Variants in FAM53A observed in about 807,000 individuals in gnomAD.
FAM53A encodes family with sequence similarity 53 member A.
FAM53A carries 28 observed loss-of-function variants against 26.6 expected under a neutral mutation model. The observed-to-expected ratio is 1.05, with a 90% CI of 0.78 to 1.45. The LOEUF (loss-of-function observed/expected upper bound fraction) is 1.45. Ranked by LOEUF, FAM53A falls within the 40% of genes most tolerant of loss-of-function variation. The pLI is 0.00. For missense variants in FAM53A, 650 were observed against 575.8 expected (o/e 1.13, Z -1.32); for synonymous variants, 290 against 253.1 (o/e 1.15, Z -1.38).
chr4:1,652,148 C>T (rs1271294580), intron 4 of FAM53A, among the ~76,000 whole-genome samples: 2 of 128,256 alleles, frequency 1.6e-5, no homozygotes, highest in Admixed American at 7.8e-5. Context: ...CCACACACAC[C>T]ACACGTCACA....
At chr4:1,682,875 T>C (rs984811260) in intron 1 of FAM53A, among the ~76,000 whole-genome samples, 6 of 152,200 alleles carry the variant, frequency 3.9e-5, no homozygotes, top group Non-Finnish European at 7.3e-5. Context: ...ACGTGCAATC[T>C]AAGAAACATA....
At chr4:1,637,653 G>A (rs1715907121), downstream of FAM53A, among the ~76,000 whole-genome samples, 1 of 151,954 alleles carries the variant, frequency 6.6e-6, no homozygotes, top group Non-Finnish European at 1.5e-5. Flanking sequence ...GCAGGGGTGG[G>A]CAGGGGTGGG....
At chr4:1,652,142 ACACAC>A (rs1440723194) in intron 4 of FAM53A, among the ~76,000 whole-genome samples, 5 of 141,696 alleles carry the variant, frequency 3.5e-5, no homozygotes, top group Non-Finnish European at 6.1e-5. Context: ...CATACACCAC[ACACAC>A]CACACGTCAC....
intron 4 of FAM53A, among the ~76,000 whole-genome samples, chr4:1,650,153 C>T (rs530073037): frequency 4.9e-5 from 6 of 121,296 alleles, no homozygotes; most frequent in Admixed American, 8.6e-5. Context: ...GTGGCACAGG[C>T]GTGGTGTTTG....
chr4:1,582,754 G>T, the FAM53A span, among the ~76,000 whole-genome samples: 1 of 152,180 alleles, frequency 6.6e-6, no homozygotes, highest in African/African-American at 2.4e-5. Flanking sequence ...ACTAGAGAGG[G>T]TGAGACAGGA....
chr4:1,613,570 C>T (rs1714704033), downstream of FAM53A, among the ~76,000 whole-genome samples: 1 of 135,896 alleles, frequency 7.4e-6, no homozygotes, highest in Admixed American at 7.2e-5. Context: ...GAAGAAAGTC[C>T]CGGGCAGGCC....
chr4:1,632,213 G>C (rs1715638422), intron 1 of FAM53A, among the ~76,000 whole-genome samples: 1 of 150,972 alleles, frequency 6.6e-6, no homozygotes, highest in South Asian at 2.1e-4. Context: ...TCTCTAAAGA[G>C]GTAGTTAGGG....
chr4:1,595,434 A>C, the FAM53A span, among the ~76,000 whole-genome samples: 1 of 152,180 alleles, frequency 6.6e-6, no homozygotes, highest in Non-Finnish European at 1.5e-5. Context: ...GGTCCACCAC[A>C]GGCCGGGGAC....
intron 1 of FAM53A, among the ~76,000 whole-genome samples, chr4:1,625,505 G>A (rs1380358906): frequency 2.1e-4 from 15 of 72,534 alleles, no homozygotes; most frequent in Non-Finnish European, 3.4e-4. Flanking sequence ...AAGGCCCCAC[G>A]TCCCGGCCCA....
At chr4:1,662,435 C>T (rs1040194927) in intron 2 of FAM53A, among the ~76,000 whole-genome samples, 1 of 142,432 alleles carries the variant, frequency 7.0e-6, no homozygotes, top group Non-Finnish European at 1.5e-5. Context: ...GCCAAGATCG[C>T]ACCACTGCAC....
intron 1 of FAM53A, among the ~76,000 whole-genome samples, chr4:1,669,510 G>C (rs770621134): frequency 1.3e-5 from 2 of 152,200 alleles, no homozygotes; most frequent in Non-Finnish European, 2.9e-5. Flanking sequence ...CAGAGGCTGC[G>C]GGGCGGCCCC....
intron 1 of FAM53A, among the ~76,000 whole-genome samples, chr4:1,677,574 AGTC>A (rs1715129837): frequency 6.6e-6 from 1 of 152,114 alleles, no homozygotes; most frequent in South Asian, 2.1e-4. Flanking sequence ...CAGCTCCCTT[AGTC>A]TTCTCTGCTT....
chr4:1,634,162 A>G (rs577722240), intron 1 of FAM53A, among the ~76,000 whole-genome samples: 2 of 152,096 alleles, frequency 1.3e-5, no homozygotes, highest in African/African-American at 4.8e-5. Flanking sequence ...CCCACAGTGG[A>G]CTCTGCCTGC....
intron 2 of FAM53A, among the ~76,000 whole-genome samples, chr4:1,660,231 C>T (rs1446652515): frequency 6.6e-6 from 1 of 151,090 alleles, no homozygotes; most frequent in Non-Finnish European, 1.5e-5. Flanking sequence ...TGCAGTGAGC[C>T]GAGATCACAC....
the FAM53A span, among the ~76,000 whole-genome samples, chr4:1,585,268 CTCTCTCTCTTTTT>C: frequency 1.0e-5 from 1 of 100,074 alleles, no homozygotes. Flanking sequence ...TACTCTCTCT[CTCTCTCTCTTTTT>C]TTTTTTTTTT....
the FAM53A span, among the ~76,000 whole-genome samples, chr4:1,581,967 C>T: frequency 6.6e-6 from 1 of 151,802 alleles, no homozygotes; most frequent in African/African-American, 2.4e-5. Context: ...CAGCTCACTG[C>T]AGCCTCCTCC....
intron 2 of FAM53A, among the ~76,000 whole-genome samples, chr4:1,657,969 A>T (rs77040023): frequency 0.04 from 5,960 of 147,808 alleles, 346 homozygotes; most frequent in African/African-American, 0.13. Context: ...TTTTTAAAAA[A>T]TTTTTTCTGT....
chr4:1,669,126 C>T (rs1577145287), intron 1 of FAM53A, among the ~76,000 whole-genome samples: 1 of 152,148 alleles, frequency 6.6e-6, no homozygotes, highest in African/African-American at 2.4e-5. Flanking sequence ...CCACCCGCCC[C>T]GGAAGCCTCA....
downstream of FAM53A, among the ~76,000 whole-genome samples, chr4:1,617,461 C>T (rs148855173): frequency 2.4e-3 from 372 of 152,268 alleles, 1 homozygote; most frequent in African/African-American, 8.5e-3. Flanking sequence ...TAGTTCCCCA[C>T]CTATAACATA....
Sources: allele counts gnomAD v4.1 joint callset (sites outside exome capture counted in the v4.1 genomes callset), GRCh38; gene constraint gnomAD v4.1.1; transcripts MANE v1.5; gene names NCBI Gene and HGNC (gene_info 2026-07-23, HGNC 2026-07-21).